The following WNT9B variants were observed in gnomAD, a reference collection of about 807,000 sequenced individuals.
WNT9B encodes the protein protein Wnt-9b.
Under a neutral mutation model 30.2 loss-of-function variants are expected in WNT9B, and 12 were observed. That is an observed-to-expected ratio of 0.40 (90% CI 0.26 to 0.64). The LOEUF (loss-of-function observed/expected upper bound fraction) is 0.64. Among genes scored for constraint, WNT9B ranks in the 30% least tolerant of loss-of-function variants. WNT9B has a pLI of 0.42. For missense variants in WNT9B, 442 were observed against 485.2 expected (o/e 0.91, Z 0.84); for synonymous variants, 218 against 216.9 (o/e 1.01, Z -0.05).
chr17:46,871,680 A>G (rs2085246556), intron 1 of WNT9B, among the ~76,000 whole-genome samples: 1 of 152,208 alleles, frequency 6.6e-6, no homozygotes. Flanking sequence ...CAAGGTGTCA[A>G]GATTGCATAG....
intron 1 of WNT9B, among the ~76,000 whole-genome samples, chr17:46,855,082 A>G (rs572578910): frequency 7.6e-4 from 111 of 146,546 alleles, no homozygotes; most frequent in African/African-American, 2.7e-3. Context: ...TCAGTCAGTC[A>G]CCCAGTGTTA....
upstream of WNT9B, among the ~76,000 whole-genome samples, chr17:46,849,668 T>C (rs1317904965): frequency 6.6e-6 from 1 of 152,132 alleles, no homozygotes; most frequent in Non-Finnish European, 1.5e-5. Context: ...CGATGCCACA[T>C]TGGTGGCATG....
downstream of WNT9B, among the ~76,000 whole-genome samples, chr17:46,881,446 C>G (rs2085421345): frequency 6.6e-6 from 1 of 152,184 alleles, no homozygotes; most frequent in South Asian, 2.1e-4. Context: ...GGTGGACACC[C>G]TTCTTCTTTT....
intron 1 of WNT9B, among the ~76,000 whole-genome samples, chr17:46,842,361 G>C (rs960178005): frequency 5.3e-5 from 8 of 152,092 alleles, no homozygotes; most frequent in Non-Finnish European, 1.0e-4. Flanking sequence ...GTTACAGTTA[G>C]CTTTAAATCT....
intron 1 of WNT9B, among the ~76,000 whole-genome samples, chr17:46,836,497 G>A (rs189202564): frequency 2.8e-4 from 43 of 152,320 alleles, no homozygotes; most frequent in Admixed American, 2.6e-3. Flanking sequence ...CTGATAAGAG[G>A]AAGAAAAGTA....
At chr17:46,876,138 C>G in intron 3 of WNT9B, 107 bp from the exon 4 acceptor site, 4 of 1,110,672 alleles carry the variant, frequency 3.6e-6, no homozygotes, top group Non-Finnish European at 5.1e-6. Context: ...CCCTGGGTCT[C>G]TTTCCCATTC....
At chr17:46,863,038 G>T (rs2085067967) in intron 1 of WNT9B, among the ~76,000 whole-genome samples, 1 of 152,254 alleles carries the variant, frequency 6.6e-6, no homozygotes. Flanking sequence ...CCCCACAGGG[G>T]CTGAGGACCA....
At chr17:46,873,054 A>G (rs1018222876) in intron 2 of WNT9B, among the ~76,000 whole-genome samples, 1 of 150,698 alleles carries the variant, frequency 6.6e-6, no homozygotes, top group Non-Finnish European at 1.5e-5. Flanking sequence ...CACAGATAAG[A>G]TGGGGTCCCC....
intron 2 of WNT9B, chr17:46,874,821 G>A (rs1362910492): frequency 4.1e-5 from 23 of 567,628 alleles, no homozygotes; most frequent in Middle Eastern, 2.9e-4. Flanking sequence ...CAAATGATCC[G>A]CCCGCCTTGG....
chr17:46,854,148 G>A (rs920880743), intron 1 of WNT9B, among the ~76,000 whole-genome samples: 13 of 152,162 alleles, frequency 8.5e-5, no homozygotes, highest in African/African-American at 3.1e-4. Context: ...GGGGCCTCAT[G>A]ATGTTAAGTG....
Position 46,878,540 on chromosome 17 carries a change from G to A in WNT9B, c.*1822G>A, listed in dbSNP as rs1033257247. Among the ~76,000 whole-genome samples, 1 of 152,176 alleles carries A rather than the reference G, an allele frequency of 6.6e-6. No homozygotes were observed. Among genetic ancestry groups the A allele is most frequent in the African/African-American group, 2.4e-5 (1 of 41,446 alleles). ...GACCCAAGCACCTGGCCCACACCTT[G>A]GCAGCAGGAGAAAAATGGGGAGAGG... On this transcript the variant is annotated 3_prime_UTR_variant, in exon 4 of 4. Coordinates refer to ENST00000290015, the MANE Select transcript of WNT9B (RefSeq NM_003396.3).
At position 46,877,123 on chromosome 17, in the gene WNT9B, G is replaced by T. The variant is rs1192445269; in HGVS notation, c.*405G>T. The T allele has an allele frequency of 1.0e-6, 1 of 979,562 alleles. No homozygotes were observed. The highest frequency in any genetic ancestry group is 1.2e-6 in the Non-Finnish European group (1 of 824,726). 60.7% of individuals were successfully genotyped at this position (979,562 alleles called of 1,614,324 possible). ...CTTGGGAGGTGAACTGCTGGGCTAG[G>T]AATGCCAAGGCAGGCAGTGCCAGCT... On this transcript the variant is annotated 3_prime_UTR_variant, in exon 4 of 4. Coordinates refer to ENST00000290015, the MANE Select transcript of WNT9B (RefSeq NM_003396.3).
chr17:46,885,759 A>G (rs1377948403), exon 5 of WNT9B: 1 of 152,332 alleles, frequency 6.6e-6, no homozygotes, highest in Non-Finnish European at 1.5e-5. Flanking sequence ...GTCTTGCCAT[A>G]GCAGGCTTCC....
chr17:46,874,739 G>T (rs778932609), intron 2 of WNT9B, among the ~76,000 whole-genome samples: 1 of 151,860 alleles, frequency 6.6e-6, no homozygotes. Flanking sequence ...CACCATGCCC[G>T]GCTAATTTTT....
At chr17:46,833,772 T>G (rs764468667) in intron 1 of WNT9B, among the ~76,000 whole-genome samples, 2 of 152,200 alleles carry the variant, frequency 1.3e-5, no homozygotes, top group Non-Finnish European at 2.9e-5. Context: ...TGAGCCAGTC[T>G]GCCTGCTAGA....
rs1401876302 is a variant in WNT9B, at chr17:46,879,578, G to A, written c.*2860G>A. Among the ~76,000 whole-genome samples, 1 of 152,246 alleles carries A rather than the reference G, an allele frequency of 6.6e-6. No individual in the cohort carries two copies. The highest frequency in any genetic ancestry group is 1.5e-5 in the Non-Finnish European group (1 of 68,048). ...TTGATTTCTCCGTTATCTCTGTGAG[G>A]TAGGTGGGGCCACATTACTGTGGCC... is the stretch of plus-strand genomic sequence containing the variant. On this transcript the variant is annotated 3_prime_UTR_variant, in exon 4 of 4. Transcript: ENST00000290015.
chr17:46,834,971 CTCT>C (rs1028670494), intron 1 of WNT9B, among the ~76,000 whole-genome samples: 7 of 151,988 alleles, frequency 4.6e-5, no homozygotes, highest in African/African-American at 1.5e-4. Context: ...CCCTCAGTCT[CTCT>C]TCTTCTTCTC....
chr17:46,852,260 G>A (rs1384253626), intron 1 of WNT9B, among the ~76,000 whole-genome samples: 1 of 148,236 alleles, frequency 6.7e-6, no homozygotes, highest in Non-Finnish European at 1.5e-5. Flanking sequence ...GAGAATGGGG[G>A]AAACCTCGGA....
rs1359003442 is a variant in WNT9B, at chr17:46,851,699, G to A, written c.61G>A (p.Ala21Thr). ...GLCLLALPAA[A>T]ASYFGLTGRE... Reference sequence around the variant, plus strand: ...CTGCCTGCTGGCGCTGCCCGCCGCCGCCGCCTCCTACTTCGGGTCAGTGCC... The same window carrying A: ...CTGCCTGCTGGCGCTGCCCGCCGCCACCGCCTCCTACTTCGGGTCAGTGCC... The change falls in exon 1 of 4, where the codon GCC (alanine) becomes ACC (threonine). Residue 21 changes from alanine to threonine, a missense_variant. Transcript: ENST00000290015. This position sits in a 1 kb window ranked among gnomAD's most constrained non-coding sequence, Gnocchi z 4.3. 5 of 1,302,608 alleles carry A rather than the reference G, an allele frequency of 3.8e-6. No individual in the cohort carries two copies. Among genetic ancestry groups the A allele is most frequent in the South Asian group, 2.4e-5 (1 of 42,140 alleles). 80.7% of individuals were successfully genotyped at this position (1,302,608 alleles called of 1,614,324 possible).
Sources: gnomAD v4.1 joint callset for allele counts (sites outside exome capture counted in the v4.1 genomes callset) on GRCh38, gnomAD v4.1.1 for gene constraint, Gnocchi (gnomAD v3.1) non-coding constraint, MANE v1.5 for transcripts, NCBI Gene and HGNC (gene_info 2026-07-23, HGNC 2026-07-21) for gene names.